Variants in ADD3 observed in about 807,000 individuals in gnomAD.
ADD3 encodes the protein adducin 3.
Under a neutral mutation model 80.2 loss-of-function variants are expected in ADD3, and 25 were observed. The ratio of observed to expected loss-of-function variants is 0.31; its 90% CI spans 0.23 to 0.44. The LOEUF (loss-of-function observed/expected upper bound fraction) is 0.44, where lower values mean the gene tolerates loss of function less well. ADD3 is among the 20% of genes least tolerant of loss of function. The probability of loss-of-function intolerance (pLI) is 1.00; values close to 1 mark genes in which losing one functional copy is unlikely to be tolerated. For synonymous variants in ADD3, 284 were observed against 289.6 expected (o/e 0.98, Z 0.20); for missense variants, 829 against 847.5 (o/e 0.98, Z 0.27).
intron 1 of ADD3, among the ~76,000 whole-genome samples, chr10:110,009,023 A>G (rs764135587): frequency 1.2e-4 from 19 of 152,208 alleles, no homozygotes; most frequent in Non-Finnish European, 2.2e-4. Context: ...GACAGGTAGC[A>G]TAATCTGGGC....
chr10:110,116,239 C>T lies in ADD3; in HGVS notation c.335-20C>T. The T allele has an allele frequency of 6.2e-7, 1 of 1,612,346 alleles. No individual in the cohort carries two copies. The highest frequency in any genetic ancestry group is 8.5e-7 in the Non-Finnish European group (1 of 1,179,112). ...GGATTGCATGACTCGTATCTCTCTC[C>T]ACATTTTTTGCTCTTTTAGGTCTTG... On this transcript the variant is annotated intron_variant, in intron 3 of 14. Transcript: ENST00000356080.
intron 1 of ADD3, among the ~76,000 whole-genome samples, chr10:110,083,634 C>G (rs2133796790): frequency 6.6e-6 from 1 of 152,232 alleles, no homozygotes; most frequent in Non-Finnish European, 1.5e-5. Flanking sequence ...ACTTTGAAGT[C>G]TTTCCTATCG....
intron 1 of ADD3, among the ~76,000 whole-genome samples, chr10:110,070,581 A>G (rs1483745178): frequency 1.3e-5 from 2 of 152,172 alleles, no homozygotes; most frequent in Non-Finnish European, 2.9e-5. Flanking sequence ...AATCCCTCTA[A>G]TATGTACAGA....
chr10:110,058,755 T>C (rs996578485), intron 1 of ADD3, among the ~76,000 whole-genome samples: 2 of 152,226 alleles, frequency 1.3e-5, no homozygotes, highest in African/African-American at 4.8e-5. Flanking sequence ...TGAACTATCA[T>C]TTGGAATATG....
At chr10:110,048,154 C>G (rs779047849) in intron 1 of ADD3, among the ~76,000 whole-genome samples, 25 of 152,190 alleles carry the variant, frequency 1.6e-4, no homozygotes, top group Middle Eastern at 3.2e-3. Context: ...TTTCCCCTTT[C>G]GCTTGATCAT....
chr10:110,035,111 T>C (rs894268692), intron 1 of ADD3, among the ~76,000 whole-genome samples: 1 of 152,192 alleles, frequency 6.6e-6, no homozygotes, highest in Non-Finnish European at 1.5e-5. Context: ...TAATGCTAAG[T>C]AGTATTTATA....
At chr10:110,048,426 T>C (rs1023914618) in intron 1 of ADD3, among the ~76,000 whole-genome samples, 1 of 152,126 alleles carries the variant, frequency 6.6e-6, no homozygotes, top group Non-Finnish European at 1.5e-5. Flanking sequence ...TTGGAACCAT[T>C]TGGAGGGCTC....
At chr10:110,100,044 A>G (rs2133945189) in intron 1 of ADD3, among the ~76,000 whole-genome samples, 1 of 152,168 alleles carries the variant, frequency 6.6e-6, no homozygotes, top group South Asian at 2.1e-4. Context: ...TGGGAGGCCA[A>G]GGCAGGAGGA....
At chr10:109,999,391 C>A (rs74542460) in intron 1 of ADD3, among the ~76,000 whole-genome samples, 1,623 of 152,260 alleles carry the variant, frequency 0.011, 23 homozygotes, top group African/African-American at 0.037. Context: ...TCACCTAAGG[C>A]CCTTCTCCTC....
At chr10:110,089,161 C>A (rs1847168490) in intron 1 of ADD3, among the ~76,000 whole-genome samples, 1 of 151,928 alleles carries the variant, frequency 6.6e-6, no homozygotes, top group Non-Finnish European at 1.5e-5. Context: ...GTTGATGTTT[C>A]TTTAAAAAAT....
chr10:110,052,974 C>T (rs963034225), intron 1 of ADD3, among the ~76,000 whole-genome samples: 3 of 152,068 alleles, frequency 2.0e-5, no homozygotes, highest in African/African-American at 7.2e-5. Context: ...AGAGTTTGTC[C>T]TGAGGTGGGC....
At chr10:110,033,706 G>A (rs1192493587) in intron 1 of ADD3, among the ~76,000 whole-genome samples, 1 of 152,150 alleles carries the variant, frequency 6.6e-6, no homozygotes, top group Non-Finnish European at 1.5e-5. Flanking sequence ...CAAGTATTAT[G>A]TATATAGTGC....
At chr10:110,081,208 A>G (rs1846015378) in intron 1 of ADD3, among the ~76,000 whole-genome samples, 1 of 152,256 alleles carries the variant, frequency 6.6e-6, no homozygotes, top group African/African-American at 2.4e-5. Flanking sequence ...TATTATTCAA[A>G]TAATGCTAGA....
chr10:110,048,960 C>T (rs1186923372), intron 1 of ADD3, among the ~76,000 whole-genome samples: 1 of 152,200 alleles, frequency 6.6e-6, no homozygotes, highest in Non-Finnish European at 1.5e-5. Flanking sequence ...CCTCCCATCA[C>T]AGGCCTGGAG....
At chr10:110,057,415 G>A (rs1345753710) in intron 1 of ADD3, among the ~76,000 whole-genome samples, 2 of 152,110 alleles carry the variant, frequency 1.3e-5, no homozygotes, top group African/African-American at 4.8e-5. Context: ...CCTCCTGCCT[G>A]GGTTTCCCAA....
In ADD3 at chr10:110,130,370, A is replaced by C; in HGVS notation, c.1616A>C (p.Gln539Pro). The change falls in exon 13 of 15, where the codon CAA (glutamine) becomes CCA (proline). Residue 539 changes from glutamine to proline, a missense_variant. By Grantham distance (76) the Gln-to-Pro change is moderately conservative. Coordinates refer to ENST00000356080, the MANE Select transcript of ADD3 (RefSeq NM_016824.5). ...TTATTTTTTCTTTGTAAGACTATGC[A>C]ATTTGAAGATGATGATCATGGCCCA... ...IVVDKPPSTMQFEDDDHGPPA... is the reference protein window; with the variant it reads ...IVVDKPPSTMPFEDDDHGPPA... 1 of 1,613,882 alleles carries C rather than the reference A, an allele frequency of 6.2e-7. No individual in the cohort carries two copies. The highest frequency in any genetic ancestry group is 8.5e-7 in the Non-Finnish European group (1 of 1,179,902).
rs930691513 is a variant in ADD3 at position 110,010,687 on chromosome 10, C to T, written c.-30+2388C>T. Among the ~76,000 whole-genome samples, 3 of 152,282 alleles carry T rather than the reference C, an allele frequency of 2.0e-5. No homozygotes were observed. In the Middle Eastern group the frequency reaches 0.01, roughly 518 times the overall value. ...TTTTATATGATTTAATTTACTTAGT[C>T]CTTCCAACAACCCAGTGGCTAAACA... On this transcript the variant is annotated intron_variant, in intron 1 of 14. Transcript: ENST00000356080.
At chr10:110,104,309 G>T (rs1849177356) in intron 2 of ADD3, among the ~76,000 whole-genome samples, 1 of 152,162 alleles carries the variant, frequency 6.6e-6, no homozygotes, top group Non-Finnish European at 1.5e-5. Context: ...CTGGTGCTTG[G>T]CTCTGCCCAC....
At chr10:110,062,414 C>CA (rs61291710) in intron 1 of ADD3, among the ~76,000 whole-genome samples, 5,548 of 107,362 alleles carry the variant, frequency 0.052, 164 homozygotes, top group Middle Eastern at 0.077. Flanking sequence ...AACTCCATCT[C>CA]AAAAAAAAAA....
Sources: allele counts gnomAD v4.1 joint callset (sites outside exome capture counted in the v4.1 genomes callset), GRCh38; gene constraint gnomAD v4.1.1; transcripts MANE v1.5; gene names NCBI Gene and HGNC (gene_info 2026-07-23, HGNC 2026-07-21).